KCNJ6: variants seen among roughly 807,000 people sequenced by gnomAD.
KCNJ6 encodes G protein-activated inward rectifier potassium channel 2.
KCNJ6 carries 9 observed loss-of-function variants against 34.2 expected under a neutral mutation model. That is an observed-to-expected ratio of 0.26 (90% CI 0.16 to 0.46). The LOEUF is 0.46. KCNJ6 is among the 20% of genes least tolerant of loss of function. The pLI is 1.00. For missense variants in KCNJ6, 236 were observed against 531.3 expected (o/e 0.44, Z 5.46); for synonymous variants, 196 against 207.1 (o/e 0.95, Z 0.46).
chr21:37,824,635 G>C (rs2055390093), intron 2 of KCNJ6, among the ~76,000 whole-genome samples: 1 of 152,128 alleles, frequency 6.6e-6, no homozygotes. Flanking sequence ...TTGTGATAGT[G>C]AGCTCTCATG....
At chr21:37,704,493 C>T (rs2054708541) in intron 3 of KCNJ6, among the ~76,000 whole-genome samples, 1 of 152,190 alleles carries the variant, frequency 6.6e-6, no homozygotes, top group Non-Finnish European at 1.5e-5. Context: ...TGTACATTCT[C>T]CTCTAATCCC....
intron 1 of KCNJ6, among the ~76,000 whole-genome samples, chr21:37,914,402 C>T (rs1443297460): frequency 1.3e-5 from 2 of 152,150 alleles, no homozygotes; most frequent in African/African-American, 4.8e-5. Context: ...TGAGGAACCA[C>T]CACCTCGGCG....
chr21:37,650,125 T>G (rs2054426388), intron 3 of KCNJ6, among the ~76,000 whole-genome samples: 1 of 152,154 alleles, frequency 6.6e-6, no homozygotes, highest in Non-Finnish European at 1.5e-5. Flanking sequence ...CAGGGCACAA[T>G]GAATGTGGCT....
At chr21:37,696,151 G>T (rs1380576172) in intron 3 of KCNJ6, among the ~76,000 whole-genome samples, 1 of 152,214 alleles carries the variant, frequency 6.6e-6, no homozygotes, top group Non-Finnish European at 1.5e-5. Flanking sequence ...AACCATCGTA[G>T]AAATAACCGA....
At chr21:37,858,254 G>A (rs561633731) in intron 1 of KCNJ6, among the ~76,000 whole-genome samples, 22 of 151,726 alleles carry the variant, frequency 1.4e-4, no homozygotes, top group African/African-American at 4.8e-4. Context: ...TTAGCCAGGC[G>A]TAGTGGCGGG....
At chr21:37,677,595 T>A (rs911705756) in intron 3 of KCNJ6, among the ~76,000 whole-genome samples, 1 of 152,120 alleles carries the variant, frequency 6.6e-6, no homozygotes, top group African/African-American at 2.4e-5. Flanking sequence ...CTGTTTTCCA[T>A]AACATTTTTC....
At position 37,871,786 on chromosome 21, in the gene KCNJ6, T is replaced by C. The variant is rs140343046; in HGVS notation, c.-27-31077A>G. ...GAGTCACAGAAGTTTGGTATTGTGG[T>C]TTATTTCCCATTCACAAAGTATAAC... On this transcript the variant is annotated intron_variant, in intron 1 of 3. Coordinates refer to ENST00000609713, the MANE Select transcript of KCNJ6 (RefSeq NM_002240.5). 4.6e-3 allele frequency among the ~76,000 whole-genome samples: 701 copies of C among 152,308 alleles called. 1 individual carries two copies. The highest frequency in any genetic ancestry group is 0.01 in the Middle Eastern group (3 of 294).
intron 2 of KCNJ6, among the ~76,000 whole-genome samples, chr21:37,728,645 AACCAGTT>A (rs1367725004): frequency 4.6e-5 from 7 of 152,238 alleles, no homozygotes; most frequent in African/African-American, 1.7e-4. Flanking sequence ...TTGGATTTAT[AACCAGTT>A]ACTAGTTAGT....
At chr21:37,895,228 C>T (rs1328109998) in intron 1 of KCNJ6, among the ~76,000 whole-genome samples, 1 of 152,204 alleles carries the variant, frequency 6.6e-6, no homozygotes, top group East Asian at 1.9e-4. Context: ...CTTAAGGATT[C>T]AGGAGGCAAC....
chr21:37,715,620 G>A (rs1169784640), intron 2 of KCNJ6, among the ~76,000 whole-genome samples: 1 of 152,190 alleles, frequency 6.6e-6, no homozygotes, highest in Non-Finnish European at 1.5e-5. Flanking sequence ...CAACCCCTAA[G>A]GTGACAGTAT....
At chr21:37,786,083 G>T (rs977920792) in intron 2 of KCNJ6, among the ~76,000 whole-genome samples, 1 of 152,220 alleles carries the variant, frequency 6.6e-6, no homozygotes, top group East Asian at 1.9e-4. Context: ...GCCTGATGAG[G>T]CCTGATCTGG....
At chr21:37,711,006 C>T (rs1246840733) in intron 3 of KCNJ6, among the ~76,000 whole-genome samples, 4 of 152,162 alleles carry the variant, frequency 2.6e-5, no homozygotes, top group East Asian at 1.9e-4. Flanking sequence ...TGACTTCAGG[C>T]GGGACCAGGC....
intron 1 of KCNJ6, among the ~76,000 whole-genome samples, chr21:37,893,204 C>T (rs2055771055): frequency 6.7e-6 from 1 of 149,954 alleles, no homozygotes; most frequent in African/African-American, 2.5e-5. Flanking sequence ...TTTGAATGTT[C>T]CCCTATTTTT....
intron 2 of KCNJ6, among the ~76,000 whole-genome samples, chr21:37,798,755 G>T (rs2055255233): frequency 6.6e-6 from 1 of 152,068 alleles, no homozygotes; most frequent in Non-Finnish European, 1.5e-5. Context: ...CCGGGGAAAA[G>T]GTGTGGGAAG....
chr21:37,869,302 G>T (rs1438817211), intron 1 of KCNJ6, among the ~76,000 whole-genome samples: 1 of 152,234 alleles, frequency 6.6e-6, no homozygotes, highest in Non-Finnish European at 1.5e-5. Flanking sequence ...CTGGCTAACA[G>T]TTATTGAGCA....
chr21:37,666,458 C>T (rs796861393), intron 3 of KCNJ6, among the ~76,000 whole-genome samples: 40 of 152,214 alleles, frequency 2.6e-4, no homozygotes, highest in African/African-American at 8.4e-4. Flanking sequence ...CACCTTGCCT[C>T]TCTGAGATGC....
intron 3 of KCNJ6, among the ~76,000 whole-genome samples, chr21:37,700,760 A>G (rs1200395647): frequency 2.0e-5 from 3 of 152,122 alleles, no homozygotes; most frequent in Non-Finnish European, 4.4e-5. Flanking sequence ...CAGGATGTAC[A>G]CTGCACAACT....
At position 37,677,230 on chromosome 21, in the gene KCNJ6, C is replaced by T. The variant is rs148462894; in HGVS notation, c.946+36981G>A. On this transcript the variant is annotated intron_variant, in intron 3 of 3. Transcript: ENST00000609713. The stretch of plus-strand genomic sequence containing the variant: ...AGCCTGGGGATGGGGAGGGAGAGGA[C>T]TCCGGTACACAGCCTGGGAGATGGC... 1.2e-4 allele frequency among the ~76,000 whole-genome samples: 18 copies of T among 152,294 alleles called. No individual in the cohort carries two copies. In the East Asian group the frequency reaches 1.4e-3, roughly 11 times the overall value.
At chr21:37,709,834 C>T (rs777204206) in intron 3 of KCNJ6, among the ~76,000 whole-genome samples, 11 of 152,206 alleles carry the variant, frequency 7.2e-5, no homozygotes, top group Non-Finnish European at 1.3e-4. Flanking sequence ...ATACTAGTGA[C>T]AGAACTGAGC....
Sources: gnomAD v4.1 joint callset for allele counts (sites outside exome capture counted in the v4.1 genomes callset) on GRCh38, gnomAD v4.1.1 for gene constraint, MANE v1.5 for transcripts, NCBI Gene and HGNC (gene_info 2026-07-23, HGNC 2026-07-21) for gene names.